AFF2: variants seen among roughly 807,000 people sequenced by gnomAD.
AFF2 encodes AF4/FMR2 family member 2.
In AFF2, 14 loss-of-function variants were observed where a neutral mutation model predicts 76.9. The ratio of observed to expected loss-of-function variants is 0.18; its 90% CI spans 0.12 to 0.28. The LOEUF (loss-of-function observed/expected upper bound fraction) is 0.28. Ranked by LOEUF, AFF2 falls within the 10% of genes least tolerant of loss-of-function variation. The probability of loss-of-function intolerance (pLI) is 1.00; values close to 1 mark genes in which losing one functional copy is unlikely to be tolerated. For synonymous variants in AFF2, 398 were observed against 366.7 expected (o/e 1.09, Z -0.98); for missense variants, 868 against 1,001.1 (o/e 0.87, Z 1.79).
In AFF2 at chrX:148,539,744, T is replaced by G. The variant is rs782509922; in HGVS notation, c.47+38600T>G. 5.4e-5 allele frequency among the ~76,000 whole-genome samples: 6 copies of G among 110,767 alleles called. No homozygotes were observed. In the South Asian group the frequency reaches 2.4e-3, roughly 43 times the overall value. ...AGTGTTAACATTCTTTAATGGGGGT[T>G]TTTAGTCAGTTCCATCATCATCACC... On this transcript the variant is annotated intron_variant, in intron 1 of 20. Coordinates refer to ENST00000370460, the MANE Select transcript of AFF2 (RefSeq NM_002025.4).
intron 10 of AFF2, among the ~76,000 whole-genome samples, chrX:148,953,985 A>G (rs1985971494): frequency 8.9e-6 from 1 of 112,531 alleles, no homozygotes; most frequent in African/African-American, 3.2e-5. Flanking sequence ...TGTGTGACTC[A>G]CTTAGCTTCT....
At chrX:148,902,190 A>C (rs1196139377) in intron 8 of AFF2, among the ~76,000 whole-genome samples, 1 of 111,809 alleles carries the variant, frequency 8.9e-6, no homozygotes, top group Non-Finnish European at 1.9e-5. Context: ...TTCAAAAAAC[A>C]TGCCTCCGAA....
chrX:148,683,751 C>T (rs1351428208), intron 3 of AFF2, among the ~76,000 whole-genome samples: 2 of 111,826 alleles, frequency 1.8e-5, no homozygotes, highest in African/African-American at 6.5e-5. Flanking sequence ...AAAACACCAG[C>T]CTCAAATGCT....
chrX:148,644,932 A>G (rs1038876705), intron 1 of AFF2, among the ~76,000 whole-genome samples: 4 of 112,149 alleles, frequency 3.6e-5, no homozygotes, highest in Non-Finnish European at 5.6e-5. Flanking sequence ...AGGCAGCCAA[A>G]ATTGTGAACC....
intron 9 of AFF2, among the ~76,000 whole-genome samples, chrX:148,915,465 C>A (rs1361175859): frequency 2.7e-5 from 3 of 112,403 alleles, no homozygotes; most frequent in African/African-American, 9.7e-5. Flanking sequence ...CAGCACCATA[C>A]TGTCACAACA....
At chrX:148,684,625 T>C (rs889037083) in intron 3 of AFF2, among the ~76,000 whole-genome samples, 2 of 112,195 alleles carry the variant, frequency 1.8e-5, no homozygotes, top group Non-Finnish European at 3.8e-5. Flanking sequence ...AGAACAAATA[T>C]ATACCTGGCC....
At chrX:148,550,811 A>C (rs1395324282) in intron 1 of AFF2, among the ~76,000 whole-genome samples, 1 of 111,246 alleles carries the variant, frequency 9.0e-6, no homozygotes, top group Non-Finnish European at 1.9e-5. Context: ...GGCTGCTTTC[A>C]TGTATTTTTC....
chrX:148,576,984 C>G (rs900281987), intron 1 of AFF2, among the ~76,000 whole-genome samples: 2 of 111,766 alleles, frequency 1.8e-5, no homozygotes, highest in Admixed American at 1.9e-4. Context: ...TGCTCAGTCA[C>G]AGGTTATTAC....
chrX:148,615,166 G>A (rs2053784823), intron 1 of AFF2, among the ~76,000 whole-genome samples: 1 of 111,170 alleles, frequency 9.0e-6, no homozygotes, highest in Admixed American at 9.6e-5. Context: ...TTCCATACTA[G>A]GGAGGATTAA....
intron 3 of AFF2, among the ~76,000 whole-genome samples, chrX:148,806,160 C>T (rs996777804): frequency 7.1e-5 from 8 of 112,577 alleles, no homozygotes; most frequent in Non-Finnish European, 1.3e-4. Flanking sequence ...CACACCTGTC[C>T]GAGTAACTCC....
At chrX:148,581,412 A>G (rs782357175) in intron 1 of AFF2, among the ~76,000 whole-genome samples, 4 of 43,479 alleles carry the variant, frequency 9.2e-5, no homozygotes, top group African/African-American at 2.7e-4. Flanking sequence ...GTGTACACAC[A>G]TATACGTATA....
intron 4 of AFF2, among the ~76,000 whole-genome samples, chrX:148,810,194 G>A (rs782375433): frequency 3.6e-5 from 4 of 111,842 alleles, no homozygotes; most frequent in East Asian, 2.8e-4. Flanking sequence ...TTTAGGAAAC[G>A]TTCCCTGTTC....
chrX:148,931,416 A>G (rs2071712676), intron 9 of AFF2, among the ~76,000 whole-genome samples: 1 of 111,589 alleles, frequency 9.0e-6, no homozygotes, highest in Non-Finnish European at 1.9e-5. Context: ...GATGGTTATT[A>G]TAGTCACTAT....
chrX:148,509,337 C>T (rs1557232871), intron 1 of AFF2, among the ~76,000 whole-genome samples: 1 of 111,319 alleles, frequency 9.0e-6, no homozygotes, highest in African/African-American at 3.3e-5. Context: ...TTAGGGGACC[C>T]GGAGCATTGA....
intron 20 of AFF2, among the ~76,000 whole-genome samples, chrX:148,989,423 G>T (rs1411971907): frequency 1.8e-5 from 2 of 112,370 alleles, no homozygotes; most frequent in Non-Finnish European, 3.7e-5. Context: ...GTGTCAAAGA[G>T]TTGCTAAATT....
chrX:148,533,141 A>C (rs1295428089), intron 1 of AFF2, among the ~76,000 whole-genome samples: 1 of 111,800 alleles, frequency 8.9e-6, no homozygotes, highest in Non-Finnish European at 1.9e-5. Context: ...GGTTATGCAC[A>C]TTGATGCAAT....
At chrX:148,557,158 G>A (rs1392218944) in intron 1 of AFF2, among the ~76,000 whole-genome samples, 1 of 111,849 alleles carries the variant, frequency 8.9e-6, no homozygotes, top group Non-Finnish European at 1.9e-5. Context: ...AAGAATGCAT[G>A]TCTCCTTGAG....
At chrX:148,815,225 T>G (rs782727083) in intron 4 of AFF2, among the ~76,000 whole-genome samples, 23 of 111,995 alleles carry the variant, frequency 2.1e-4, no homozygotes, top group East Asian at 2.8e-4. Flanking sequence ...TGGAGTCAAA[T>G]GAATGAACTA....
chrX:148,744,733 A>G (rs1444954668), intron 3 of AFF2, among the ~76,000 whole-genome samples: 3 of 111,922 alleles, frequency 2.7e-5, no homozygotes, highest in Non-Finnish European at 3.8e-5. Context: ...TCATATTGTC[A>G]TGGGGAGGTG....
Sources: allele counts gnomAD v4.1 joint callset (sites outside exome capture counted in the v4.1 genomes callset), GRCh38; gene constraint gnomAD v4.1.1; transcripts MANE v1.5; gene names NCBI Gene and HGNC (gene_info 2026-07-23, HGNC 2026-07-21).